The following PPP1R12A variants were observed in gnomAD, a reference collection of about 807,000 sequenced individuals.
PPP1R12A encodes the protein protein phosphatase 1 regulatory subunit 12A, also known as myosin binding subunit.
A neutral mutation model predicts 139.6 loss-of-function variants in PPP1R12A; 19 were observed. That is an observed-to-expected ratio of 0.14 (90% confidence interval 0.09 to 0.20). The LOEUF (loss-of-function observed/expected upper bound fraction) is 0.20. Among genes scored for constraint, PPP1R12A ranks in the 10% least tolerant of loss-of-function variants. PPP1R12A has a pLI of 1.00. For synonymous variants in PPP1R12A, 427 were observed against 420.6 expected, an observed-to-expected ratio of 1.02 and a Z score of -0.19; for missense variants, 925 against 1,211.5, an observed-to-expected ratio of 0.76 and a Z score of 3.51.
chr12:79,929,182 G>A (rs182151201), intron 1 of PPP1R12A, among the ~76,000 whole-genome samples: 3 of 152,124 alleles, frequency 2.0e-5, no homozygotes, highest in African/African-American at 7.2e-5. Flanking sequence ...AATAGGGTCC[G>A]CACTCCTATG....
chr12:79,856,452 A>ATATT (rs1443871363), intron 2 of PPP1R12A, among the ~76,000 whole-genome samples: 2 of 152,248 alleles, frequency 1.3e-5, no homozygotes, highest in Non-Finnish European at 2.9e-5. Context: ...ACATAAATGC[A>ATATT]TATTTATTTA....
chr12:79,899,233 AATATAT>A (rs58319454), intron 1 of PPP1R12A, among the ~76,000 whole-genome samples: 300 of 141,712 alleles, frequency 2.1e-3, no homozygotes, highest in East Asian at 8.4e-3. Flanking sequence ...AGATCTTAAA[AATATAT>A]ATATATATAT....
At chr12:79,913,534 T>C (rs1886760247) in intron 1 of PPP1R12A, among the ~76,000 whole-genome samples, 1 of 152,166 alleles carries the variant, frequency 6.6e-6, no homozygotes, top group Non-Finnish European at 1.5e-5. Context: ...TTCATTAGTT[T>C]GTTGTCTAAT....
chr12:79,900,775 A>G (rs1184494162), intron 1 of PPP1R12A, among the ~76,000 whole-genome samples: 4 of 152,210 alleles, frequency 2.6e-5, no homozygotes, highest in Non-Finnish European at 4.4e-5. Context: ...GCAGCAATCA[A>G]TGACATGTCA....
At chr12:79,793,994 A>C in intron 18 of PPP1R12A, 66 bp from the exon 19 acceptor site, 1 of 1,254,440 alleles carries the variant, frequency 8.0e-7, no homozygotes, top group East Asian at 2.7e-5. Context: ...TTATTTTTTA[A>C]AATTATTTTT....
intron 24 of PPP1R12A, among the ~76,000 whole-genome samples, chr12:79,776,409 ATAATACT>A (rs1869730398): frequency 6.6e-6 from 1 of 152,142 alleles, no homozygotes; most frequent in African/African-American, 2.4e-5. Context: ...ACCTAAAATC[ATAATACT>A]TAATATTGTT....
chr12:79,933,067 T>C (rs1888367069), intron 1 of PPP1R12A, among the ~76,000 whole-genome samples: 1 of 152,206 alleles, frequency 6.6e-6, no homozygotes. Context: ...TTTCCTTCAT[T>C]CTCAACACCA....
At chr12:79,880,394 A>T (rs80290340) in intron 1 of PPP1R12A, among the ~76,000 whole-genome samples, 4,593 of 152,152 alleles carry the variant, frequency 0.03, 124 homozygotes, top group African/African-American at 0.077. Context: ...GAATAAACAA[A>T]CAGTCAGTCA....
intron 22 of PPP1R12A, chr12:79,782,259 T>C (rs2136975282): frequency 5.7e-6 from 1 of 176,946 alleles, no homozygotes; most frequent in Middle Eastern, 2.7e-3. Flanking sequence ...GATTGAAATA[T>C]ATTCATCAGC....
At chr12:79,911,049 G>C (rs1333876385) in intron 1 of PPP1R12A, among the ~76,000 whole-genome samples, 1 of 152,102 alleles carries the variant, frequency 6.6e-6, no homozygotes, top group Non-Finnish European at 1.5e-5. Flanking sequence ...ACTGAAATAG[G>C]TTGCTAGCAG....
intron 1 of PPP1R12A, among the ~76,000 whole-genome samples, chr12:79,908,995 T>C (rs771945485): frequency 1.8e-4 from 28 of 152,178 alleles, no homozygotes; most frequent in Non-Finnish European, 3.4e-4. Flanking sequence ...AGATTTGTTG[T>C]GGCCTATCAA....
intron 2 of PPP1R12A, among the ~76,000 whole-genome samples, chr12:79,865,408 C>G (rs1881852465): frequency 6.6e-6 from 1 of 152,186 alleles, no homozygotes; most frequent in Non-Finnish European, 1.5e-5. Flanking sequence ...AAAACCGCCA[C>G]AAGACAAGGA....
At chr12:79,822,796 C>T (rs890591461) in intron 5 of PPP1R12A, among the ~76,000 whole-genome samples, 1 of 146,672 alleles carries the variant, frequency 6.8e-6, no homozygotes, top group Admixed American at 6.8e-5. Context: ...ATCTAGTCAT[C>T]AGGTGGACAT....
At chr12:79,801,206 G>A (rs934378842) in intron 14 of PPP1R12A, among the ~76,000 whole-genome samples, 29 of 150,734 alleles carry the variant, frequency 1.9e-4, no homozygotes, top group African/African-American at 6.8e-4. Context: ...TTAGCCGGGC[G>A]TGGTGGCGCA....
At chr12:79,833,819 G>A (rs1343873775) in intron 3 of PPP1R12A, among the ~76,000 whole-genome samples, 6 of 147,324 alleles carry the variant, frequency 4.1e-5, no homozygotes, top group African/African-American at 7.5e-5. Flanking sequence ...CCTGGGCAAC[G>A]GAGTGAGACT....
intron 1 of PPP1R12A, 28 bp downstream of exon 1, chr12:79,934,665 TCA>T: frequency 6.7e-7 from 1 of 1,496,852 alleles, no homozygotes; most frequent in Non-Finnish European, 9.0e-7. Context: ...ACCCTCACGG[TCA>T]GGAGAGCCGG....
At chr12:79,809,672 A>T in intron 10 of PPP1R12A, 123 bp downstream of exon 10, 1 of 692,396 alleles carries the variant, frequency 1.4e-6, no homozygotes, top group Non-Finnish European at 2.4e-6. Context: ...TATGTAATTC[A>T]TTAAGGTTAA....
intron 5 of PPP1R12A, among the ~76,000 whole-genome samples, chr12:79,824,606 A>G (rs1876538508): frequency 6.6e-6 from 1 of 152,210 alleles, no homozygotes; most frequent in Non-Finnish European, 1.5e-5. Context: ...CAAAAAAAGC[A>G]CACTCATCAA....
At chr12:79,918,551 C>T (rs985445731) in intron 1 of PPP1R12A, among the ~76,000 whole-genome samples, 1 of 152,154 alleles carries the variant, frequency 6.6e-6, no homozygotes, top group African/African-American at 2.4e-5. Flanking sequence ...AAAACAGGTG[C>T]ATGCACATCT....
Sources: allele counts gnomAD v4.1 joint callset (sites outside exome capture counted in the v4.1 genomes callset), GRCh38; gene constraint gnomAD v4.1.1; transcripts MANE v1.5; gene names NCBI Gene and HGNC (gene_info 2026-07-23, HGNC 2026-07-21).